DIAPH2: variants seen among roughly 807,000 people sequenced by gnomAD.
DIAPH2 encodes the protein protein diaphanous homolog 2.
A neutral mutation model predicts 92.7 loss-of-function variants in DIAPH2; 35 were observed. The ratio of observed to expected loss-of-function variants is 0.38; its 90% CI spans 0.29 to 0.50. The LOEUF (loss-of-function observed/expected upper bound fraction) is 0.50. Among genes scored for constraint, DIAPH2 ranks in the 20% least tolerant of loss-of-function variants. The pLI is 0.94. For missense variants in DIAPH2, 701 were observed against 819.5 expected (o/e 0.86, Z 1.77); for synonymous variants, 301 against 280.4 (o/e 1.07, Z -0.73).
chrX:96,956,483 C>T (rs1407414097), intron 15 of DIAPH2, among the ~76,000 whole-genome samples: 1 of 112,333 alleles, frequency 8.9e-6, no homozygotes, highest in African/African-American at 3.2e-5. Context: ...GCTTGAATTT[C>T]TCCCCAGAAA....
chrX:97,432,861 G>T (rs1271687242), intron 26 of DIAPH2, among the ~76,000 whole-genome samples: 1 of 112,144 alleles, frequency 8.9e-6, no homozygotes, highest in Non-Finnish European at 1.9e-5. Context: ...GACCTCAGGT[G>T]ATCTACCCAC....
chrX:97,563,990 T>G (rs2147870491), intron 26 of DIAPH2, among the ~76,000 whole-genome samples: 1 of 112,438 alleles, frequency 8.9e-6, no homozygotes, highest in East Asian at 2.8e-4. Context: ...CAAGTAATTC[T>G]GATTGCTGCT....
At chrX:97,433,468 A>T (rs773611837) in intron 26 of DIAPH2, among the ~76,000 whole-genome samples, 3 of 111,980 alleles carry the variant, frequency 2.7e-5, no homozygotes, top group African/African-American at 6.5e-5. Flanking sequence ...ATGAGTAGAG[A>T]TCGTGCCACT....
At position 97,376,801 on chromosome X, in the gene DIAPH2, A is replaced by G. The variant is rs775276515; in HGVS notation, c.3010-7108A>G. On this transcript the variant is annotated intron_variant, in intron 24 of 26. Transcript: ENST00000324765. ...TATACAAACCTAGATGCTATGGCCT[A>G]CTATACATTTAGACTATACGGTATA... Among the ~76,000 whole-genome samples the G allele has an allele frequency of 6.2e-5, 7 of 112,010 alleles. No homozygotes were observed. The East Asian group carries it at 1.4e-3, about 22-fold the overall frequency.
chrX:97,025,345 G>T (rs1034536020), intron 17 of DIAPH2, among the ~76,000 whole-genome samples: 6 of 106,695 alleles, frequency 5.6e-5, no homozygotes, highest in Non-Finnish European at 1.2e-4. Context: ...GCAAGACTCT[G>T]TCTCACACAC....
intron 26 of DIAPH2, among the ~76,000 whole-genome samples, chrX:97,520,164 C>A (rs2070981272): frequency 8.9e-6 from 1 of 112,415 alleles, no homozygotes; most frequent in Non-Finnish European, 1.9e-5. Context: ...TATTCTTAGA[C>A]CTTCTTTTCT....
intron 1 of DIAPH2, among the ~76,000 whole-genome samples, chrX:96,728,284 A>G (rs1277055104): frequency 9.3e-6 from 1 of 107,908 alleles, no homozygotes; most frequent in African/African-American, 3.4e-5. Flanking sequence ...ATCTCGGTTC[A>G]CTGCAACCTC....
rs1602472210 is a variant in DIAPH2 at position 97,276,804 on chromosome X, C to A, written c.2844+28965C>A. On this transcript the variant is annotated intron_variant, in intron 23 of 26. Coordinates refer to ENST00000324765, the MANE Select transcript of DIAPH2 (RefSeq NM_006729.5). ...AAATTATTTGGAATATGATAGATAGCCTTTATATGAGAATTGTACCTGATA... is the reference window on the plus strand; with the variant it reads ...AAATTATTTGGAATATGATAGATAGACTTTATATGAGAATTGTACCTGATA... Among the ~76,000 whole-genome samples the A allele has an allele frequency of 4.5e-5, 5 of 111,673 alleles. 1 individual carries two copies. In the Admixed American group the frequency reaches 4.8e-4, roughly 11 times the overall value.
At chrX:97,121,589 C>A (rs991086151) in intron 21 of DIAPH2, among the ~76,000 whole-genome samples, 1 of 111,947 alleles carries the variant, frequency 8.9e-6, no homozygotes, top group Admixed American at 9.5e-5. Flanking sequence ...TAAGTTAGAA[C>A]ATTTTGTTCC....
At chrX:97,137,270 C>CATATATATATATATATATATATATAT (rs57799375) in intron 21 of DIAPH2, among the ~76,000 whole-genome samples, 7 of 68,255 alleles carry the variant, frequency 1.0e-4, no homozygotes, top group African/African-American at 2.5e-4. Flanking sequence ...CGCAGTTATA[C>CATATATATATATATATATATATATAT]ATATATATAT....
chrX:97,489,785 C>A (rs775748544), intron 26 of DIAPH2, among the ~76,000 whole-genome samples: 1 of 111,231 alleles, frequency 9.0e-6, no homozygotes, highest in African/African-American at 3.3e-5. Context: ...AGGGATAAGT[C>A]CCATTTGATC....
At chrX:96,722,511 C>G (rs190977433) in intron 1 of DIAPH2, among the ~76,000 whole-genome samples, 244 of 111,173 alleles carry the variant, frequency 2.2e-3, no homozygotes, top group Admixed American at 4.5e-3. Flanking sequence ...CAGGCAGGCT[C>G]TAATGGCTAA....
At chrX:97,216,595 A>G (rs2067885714) in intron 22 of DIAPH2, among the ~76,000 whole-genome samples, 1 of 110,882 alleles carries the variant, frequency 9.0e-6, no homozygotes, top group African/African-American at 3.3e-5. Context: ...CATGAGCCAC[A>G]GCACTGGGCC....
intron 15 of DIAPH2, among the ~76,000 whole-genome samples, chrX:96,950,916 A>C (rs1005603769): frequency 9.0e-6 from 1 of 111,554 alleles, no homozygotes; most frequent in African/African-American, 3.3e-5. Flanking sequence ...TACTGTCTCC[A>C]TACTTAACCC....
At chrX:97,349,612 G>A (rs1279752953) in intron 24 of DIAPH2, among the ~76,000 whole-genome samples, 3 of 111,028 alleles carry the variant, frequency 2.7e-5, no homozygotes, top group Non-Finnish European at 5.6e-5. Context: ...GAGCATACCC[G>A]AACAGTTAAA....
intron 17 of DIAPH2, among the ~76,000 whole-genome samples, chrX:96,995,269 T>G (rs1311786923): frequency 1.8e-5 from 2 of 111,904 alleles, no homozygotes; most frequent in East Asian, 5.6e-4. Context: ...TTAGTGTAGA[T>G]GGAAGCCAGA....
intron 5 of DIAPH2, among the ~76,000 whole-genome samples, chrX:96,906,851 A>G (rs191557891): frequency 7.1e-5 from 8 of 112,126 alleles, no homozygotes; most frequent in Admixed American, 6.6e-4. Flanking sequence ...TTTTTTACAT[A>G]GGGTTGGAAG....
intron 17 of DIAPH2, among the ~76,000 whole-genome samples, chrX:96,977,535 TG>T (rs1224873461): frequency 5.4e-5 from 6 of 111,894 alleles, no homozygotes; most frequent in African/African-American, 1.9e-4. Flanking sequence ...CTTTTAGCTA[TG>T]AGTTAATGAG....
chrX:97,348,731 C>T (rs2069180652), intron 24 of DIAPH2, among the ~76,000 whole-genome samples: 1 of 110,831 alleles, frequency 9.0e-6, no homozygotes, highest in South Asian at 3.8e-4. Context: ...ACATTGAATA[C>T]CTAAAGTTTC....
Sources: allele counts gnomAD v4.1 joint callset (sites outside exome capture counted in the v4.1 genomes callset), GRCh38; gene constraint gnomAD v4.1.1; transcripts MANE v1.5; gene names NCBI Gene and HGNC (gene_info 2026-07-23, HGNC 2026-07-21).